DOCK4: variants seen among roughly 807,000 people sequenced by gnomAD.
DOCK4 encodes dedicator of cytokinesis 4.
DOCK4 carries 97 observed loss-of-function variants against 268.1 expected under a neutral mutation model. The observed-to-expected ratio is 0.36, with a 90% CI of 0.31 to 0.43. The LOEUF (loss-of-function observed/expected upper bound fraction) is 0.43. Among genes scored for constraint, DOCK4 ranks in the 20% least tolerant of loss-of-function variants. The pLI is 1.00. For synonymous variants in DOCK4, 954 were observed against 887.2 expected (o/e 1.08, Z -1.34); for missense variants, 2,145 against 2,455.7 (o/e 0.87, Z 2.67).
chr7:111,784,480 C>G, intron 32 of DOCK4: 1 of 503,032 alleles, frequency 2.0e-6, no homozygotes, highest in South Asian at 1.5e-5. Flanking sequence ...TGCGTTTTTT[C>G]CTTTCACTTA....
intron 5 of DOCK4, among the ~76,000 whole-genome samples, chr7:111,993,162 T>C (rs1053713907): frequency 4.6e-5 from 7 of 152,192 alleles, no homozygotes; most frequent in Non-Finnish European, 8.8e-5. Flanking sequence ...CAGTGAAATA[T>C]CCTATTGCAT....
intron 2 of DOCK4, among the ~76,000 whole-genome samples, chr7:112,001,487 T>G (rs1443362709): frequency 2.6e-5 from 4 of 152,110 alleles, no homozygotes; most frequent in Non-Finnish European, 4.4e-5. Flanking sequence ...TGTGTTCAAG[T>G]CACCCTTATT....
chr7:112,105,486 TAACTATATGAGTTAACTTGGATA>T (rs1310991562), intron 1 of DOCK4, among the ~76,000 whole-genome samples: 1 of 151,908 alleles, frequency 6.6e-6, no homozygotes, highest in Non-Finnish European at 1.5e-5. Context: ...GTGAACATTG[TAACTATATGAGTTAACTTGGATA>T]AACTACGTTT....
intron 10 of DOCK4, among the ~76,000 whole-genome samples, chr7:111,943,513 T>C (rs535910397): frequency 4.6e-5 from 7 of 152,326 alleles, no homozygotes; most frequent in African/African-American, 7.2e-5. Context: ...TAAAACCACA[T>C]TTTACTTTAA....
intron 1 of DOCK4, among the ~76,000 whole-genome samples, chr7:112,164,508 C>T (rs1391446669): frequency 6.6e-6 from 1 of 152,110 alleles, no homozygotes; most frequent in Non-Finnish European, 1.5e-5. Context: ...GGATTACTTA[C>T]TCTGTGCCAG....
At chr7:112,015,381 T>C (rs1801727067) in intron 1 of DOCK4, among the ~76,000 whole-genome samples, 1 of 152,176 alleles carries the variant, frequency 6.6e-6, no homozygotes, top group African/African-American at 2.4e-5. Context: ...TGGTTTAGCA[T>C]ATAATCAAGA....
At chr7:111,735,734 G>A (rs28516932) in intron 50 of DOCK4, among the ~76,000 whole-genome samples, 1,740 of 152,260 alleles carry the variant, frequency 0.011, 33 homozygotes, top group African/African-American at 0.039. Flanking sequence ...TCTGTGCTTC[G>A]ATAAGATGCA....
At chr7:112,063,950 G>A (rs1400400580) in intron 1 of DOCK4, among the ~76,000 whole-genome samples, 1 of 152,124 alleles carries the variant, frequency 6.6e-6, no homozygotes, top group Non-Finnish European at 1.5e-5. Flanking sequence ...CTATCTTTGA[G>A]ACCTCTCCAT....
chr7:111,729,318 AGAAGGCC>A (rs1160603111), intron 52 of DOCK4, among the ~76,000 whole-genome samples: 2 of 152,110 alleles, frequency 1.3e-5, no homozygotes, highest in Non-Finnish European at 2.9e-5. Context: ...CCAATACTTT[AGAAGGCC>A]GATGCAGGGA....
intron 6 of DOCK4, 138 bp from the exon 7 acceptor site, chr7:111,984,528 C>A: frequency 2.9e-6 from 2 of 692,530 alleles, no homozygotes; most frequent in Non-Finnish European, 4.9e-6. Flanking sequence ...GACTTGTTAC[C>A]ACAGTTGGGG....
chr7:111,796,129 C>T (rs1209523350), intron 30 of DOCK4, among the ~76,000 whole-genome samples: 2 of 152,144 alleles, frequency 1.3e-5, no homozygotes, highest in African/African-American at 2.4e-5. Flanking sequence ...AATGGGTGCT[C>T]CCCAGAGACC....
chr7:111,821,927 A>G (rs1251441672), intron 27 of DOCK4, among the ~76,000 whole-genome samples: 1 of 152,250 alleles, frequency 6.6e-6, no homozygotes, highest in Non-Finnish European at 1.5e-5. Context: ...CATTCAATGC[A>G]ATATTATTCA....
At chr7:111,852,506 A>G (rs200761306) in intron 23 of DOCK4, among the ~76,000 whole-genome samples, 1 of 141,498 alleles carries the variant, frequency 7.1e-6, no homozygotes, top group South Asian at 2.6e-4. Context: ...AAGAACCAGA[A>G]AAAAAAAAAA....
chr7:111,935,651 T>C, intron 11 of DOCK4, 23 bp from the exon 12 acceptor site: 1 of 1,593,578 alleles, frequency 6.3e-7, no homozygotes, highest in Non-Finnish European at 8.6e-7. Flanking sequence ...TAACACTCTG[T>C]TAAGCTTTAA....
Position 111,915,943 on chromosome 7 carries a change from A to G in DOCK4, c.1067-39T>C, listed in dbSNP as rs200804117. 2.8e-4 allele frequency: 440 copies of G among 1,588,794 alleles called. 2 individuals carry two copies. Among genetic ancestry groups the G allele is most frequent in the Admixed American group, 1.5e-3 (85 of 55,960 alleles). On this transcript the variant is annotated intron_variant, in intron 12 of 52. Coordinates refer to ENST00000428084, the MANE Select transcript of DOCK4 (RefSeq NM_001363540.2). ...GAGATACCCGAGTTAAAAACAGAAT[A>G]GAAATAGAATAAAGAGAAACTGATG...
chr7:111,972,795 C>T (rs1434085431), intron 8 of DOCK4, among the ~76,000 whole-genome samples: 7 of 151,916 alleles, frequency 4.6e-5, no homozygotes, highest in African/African-American at 1.7e-4. Context: ...TTTATCACAT[C>T]TCTAGTTCTC....
At chr7:111,818,335 T>C (rs775998231) in intron 27 of DOCK4, among the ~76,000 whole-genome samples, 1 of 152,206 alleles carries the variant, frequency 6.6e-6, no homozygotes, top group Non-Finnish European at 1.5e-5. Flanking sequence ...ACATCTCCAC[T>C]TGAATATCTA....
At chr7:111,978,058 A>G (rs1798341287) in intron 7 of DOCK4, among the ~76,000 whole-genome samples, 1 of 152,212 alleles carries the variant, frequency 6.6e-6, no homozygotes, top group Admixed American at 6.5e-5. Flanking sequence ...CATCCAACAT[A>G]CATTCAAGTA....
At chr7:111,764,714 C>T (rs1469634013) in intron 39 of DOCK4, among the ~76,000 whole-genome samples, 2 of 152,156 alleles carry the variant, frequency 1.3e-5, no homozygotes, top group African/African-American at 4.8e-5. Context: ...CCAAACAACA[C>T]TCTTTACATG....
Sources: allele counts gnomAD v4.1 joint callset (sites outside exome capture counted in the v4.1 genomes callset), GRCh38; gene constraint gnomAD v4.1.1; transcripts MANE v1.5; gene names NCBI Gene and HGNC (gene_info 2026-07-23, HGNC 2026-07-21).